TNNI3K: variants seen among roughly 807,000 people sequenced by gnomAD.
The protein encoded by TNNI3K is TNNI3 interacting kinase, also known as serine/threonine-protein kinase TNNI3K.
In TNNI3K, 140 loss-of-function variants were observed where a neutral mutation model predicts 114.5. The ratio of observed to expected loss-of-function variants is 1.22; its 90% CI spans 1.07 to 1.41. TNNI3K has a LOEUF of 1.41. Ranked by LOEUF, TNNI3K falls within the 40% of genes most tolerant of loss-of-function variation. The pLI, the probability that TNNI3K is intolerant of heterozygous loss-of-function variation, is 0.00. For missense variants in TNNI3K, 1,125 were observed against 1,007.6 expected (o/e 1.12, Z -1.58); for synonymous variants, 347 against 347.5 (o/e 1.00, Z 0.02).
Position 74,472,163 on chromosome 1 carries a change from G to T in TNNI3K, c.2121+8613G>T, listed in dbSNP as rs61729310. 5.6e-3 allele frequency: 3,986 copies of T among 717,018 alleles called. 23 individuals carry two copies. The highest frequency in any genetic ancestry group is 7.9e-3 in the Non-Finnish European group (3,044 of 384,740). The allele number at this position is 717,018 out of a possible 1,614,324, so 44.4% of individuals were successfully genotyped here. On this transcript the variant is annotated intron_variant, in intron 21 of 24. Coordinates refer to ENST00000326637, the MANE Select transcript of TNNI3K (RefSeq NM_015978.3). ...CTTTCTCCTGCCAAGGCTGAAGCGG[G>T]TGTTGCATATCTTCTTCTAAATATG...
At chr1:74,295,833 G>A (rs898713145) in intron 5 of TNNI3K, among the ~76,000 whole-genome samples, 2 of 151,886 alleles carry the variant, frequency 1.3e-5, no homozygotes, top group Non-Finnish European at 2.9e-5. Context: ...TAATTTATTG[G>A]ATATATTTGA....
intron 17 of TNNI3K, chr1:74,371,220 T>C (rs959299375): frequency 2.6e-5 from 4 of 151,886 alleles, no homozygotes; most frequent in African/African-American, 9.7e-5. Flanking sequence ...TTTACAGTTC[T>C]GAAGCTAGTA....
intron 20 of TNNI3K, among the ~76,000 whole-genome samples, chr1:74,442,220 A>G (rs1456798597): frequency 6.6e-6 from 1 of 152,026 alleles, no homozygotes; most frequent in East Asian, 1.9e-4. Flanking sequence ...ATTTTTCAAA[A>G]CTACTATCCT....
chr1:74,321,053 G>T (rs1323926536), intron 5 of TNNI3K, among the ~76,000 whole-genome samples: 2 of 152,032 alleles, frequency 1.3e-5, no homozygotes, highest in Non-Finnish European at 2.9e-5. Context: ...AAAACTGTGG[G>T]GCCTGTGGCA....
intron 2 of TNNI3K, chr1:74,239,907 T>C: frequency 2.1e-6 from 1 of 468,408 alleles, no homozygotes; most frequent in Non-Finnish European, 4.4e-6. Context: ...TGTTCTTTCA[T>C]CTTCTGCTAT....
chr1:74,352,147 G>T (rs1226885327), intron 9 of TNNI3K, among the ~76,000 whole-genome samples: 2 of 152,098 alleles, frequency 1.3e-5, no homozygotes, highest in Admixed American at 1.3e-4. Context: ...TGGGTTTCTG[G>T]TGTGGATGTC....
At chr1:74,393,731 A>G (rs1473923246) in intron 17 of TNNI3K, among the ~76,000 whole-genome samples, 1 of 151,884 alleles carries the variant, frequency 6.6e-6, no homozygotes, top group Non-Finnish European at 1.5e-5. Context: ...GAAGTGGGGG[A>G]TGGGGGCCCT....
At chr1:74,263,423 G>C (rs45459704) in intron 4 of TNNI3K, among the ~76,000 whole-genome samples, 1 of 152,060 alleles carries the variant, frequency 6.6e-6, no homozygotes, top group Non-Finnish European at 1.5e-5. Context: ...AACAACGCTT[G>C]ATATATATAC....
intron 5 of TNNI3K, among the ~76,000 whole-genome samples, chr1:74,319,046 A>G (rs1024349850): frequency 6.6e-6 from 1 of 152,226 alleles, no homozygotes. Flanking sequence ...TGCAGTTTCT[A>G]TAGGTCAAGA....
At chr1:74,377,963 C>T (rs1008344510) in intron 17 of TNNI3K, among the ~76,000 whole-genome samples, 3 of 151,950 alleles carry the variant, frequency 2.0e-5, no homozygotes, top group African/African-American at 7.2e-5. Context: ...GACACATTTC[C>T]ATATGTTTTC....
In TNNI3K at chr1:74,495,952, A is replaced by T. The variant is rs45504796; in HGVS notation, c.2351+3686A>T. Among the ~76,000 whole-genome samples, 513 of 152,256 alleles carry T rather than the reference A, an allele frequency of 3.4e-3. 3 individuals carry two copies. Among genetic ancestry groups the T allele is most frequent in the African/African-American group, 0.012 (490 of 41,556 alleles). On this transcript the variant is annotated intron_variant, in intron 23 of 24. Transcript: ENST00000326637. ...GTGTTTAAAGTCAGAGAGCCCAAGG[A>T]TATAAAAATTGATGGACTAAGTACA...
chr1:74,388,716 T>A (rs1663615767), intron 17 of TNNI3K, among the ~76,000 whole-genome samples: 1 of 152,248 alleles, frequency 6.6e-6, no homozygotes, highest in Admixed American at 6.5e-5. Context: ...TTCTCATATT[T>A]GAATATTTTC....
intron 17 of TNNI3K, among the ~76,000 whole-genome samples, chr1:74,381,073 A>G (rs1367664363): frequency 6.6e-6 from 1 of 152,168 alleles, no homozygotes; most frequent in African/African-American, 2.4e-5. Context: ...CTCATTTAAT[A>G]TTTTCTATTT....
intron 20 of TNNI3K, among the ~76,000 whole-genome samples, chr1:74,450,243 C>G (rs1284920794): frequency 6.6e-6 from 1 of 151,450 alleles, no homozygotes; most frequent in Non-Finnish European, 1.5e-5. Context: ...ATCTCTGGGA[C>G]GCATTCAAAG....
intron 17 of TNNI3K, among the ~76,000 whole-genome samples, chr1:74,415,314 G>A (rs1156820202): frequency 6.6e-6 from 1 of 151,582 alleles, no homozygotes. Context: ...CTACTGTGTT[G>A]TATTTTTCTA....
chr1:74,307,765 C>A (rs1232109312), intron 5 of TNNI3K, among the ~76,000 whole-genome samples: 1 of 152,044 alleles, frequency 6.6e-6, no homozygotes, highest in Admixed American at 6.6e-5. Flanking sequence ...GAGATCAAGA[C>A]CATCCTGGCC....
chr1:74,511,195 A>T (rs1377237254), intron 23 of TNNI3K, among the ~76,000 whole-genome samples: 5 of 144,334 alleles, frequency 3.5e-5, no homozygotes, highest in Middle Eastern at 3.7e-3. Context: ...TGCCCGGCCT[A>T]TTTTTTTTTT....
Position 74,238,502 on chromosome 1 carries a change from G to A in TNNI3K, c.149+2292G>A, listed in dbSNP as rs190972358. Among the ~76,000 whole-genome samples the A allele has an allele frequency of 2.9e-3, 438 of 152,042 alleles. 2 individuals are homozygous for A. The highest frequency in any genetic ancestry group is 9.8e-3 in the African/African-American group (406 of 41,500). ...ATAGAAGACTTATCATAAAGTGAGA[G>A]TAACAAATAGCTTATTAAAAGTTAG... is the stretch of plus-strand genomic sequence containing the variant. On this transcript the variant is annotated intron_variant, in intron 2 of 24. Transcript: ENST00000326637.
chr1:74,439,262 G>A, intron 19 of TNNI3K: 1 of 438,582 alleles, frequency 2.3e-6, no homozygotes, highest in East Asian at 3.9e-5. Flanking sequence ...ATCTTCCAAT[G>A]ATTAAAAAAT....
Sources: gnomAD v4.1 joint callset for allele counts (sites outside exome capture counted in the v4.1 genomes callset) on GRCh38, gnomAD v4.1.1 for gene constraint, MANE v1.5 for transcripts, NCBI Gene and HGNC (gene_info 2026-07-23, HGNC 2026-07-21) for gene names.